The following COX15 variants were observed in gnomAD, a reference collection of about 807,000 sequenced individuals.
The protein encoded by COX15 is cytochrome c oxidase assembly factor COX15, also known as heme A synthase COX15.
In COX15, 51 loss-of-function variants were observed where a neutral mutation model predicts 51.9. The ratio of observed to expected loss-of-function variants is 0.98; its 90% CI spans 0.78 to 1.24. The LOEUF is 1.24. COX15 is among the 50% of genes most tolerant of loss of function. The probability of loss-of-function intolerance (pLI) is 0.00; values close to 1 mark genes in which losing one functional copy is unlikely to be tolerated. For missense variants in COX15, 420 were observed against 501.1 expected, an observed-to-expected ratio of 0.84 and a Z score of 1.55; for synonymous variants, 188 against 190.5, an observed-to-expected ratio of 0.99 and a Z score of 0.11.
At position 99,721,055 on chromosome 10, in the gene COX15, T is replaced by G; in HGVS notation, c.764A>C (p.His255Pro). 1.2e-6 allele frequency: 2 copies of G among 1,613,248 alleles called. No homozygotes were observed. The highest frequency in any genetic ancestry group is 2.2e-5 in the East Asian group (1 of 44,872). Residue 255 changes from histidine to proline, a missense_variant, in exon 6 of 9, where the codon CAC becomes CCC. Physicochemically the swap from His to Pro is moderately conservative, Grantham distance 77. Coordinates refer to ENST00000016171, the MANE Select transcript of COX15 (RefSeq NM_078470.6). ...AAATCGTCTCAACTGTAGGAGTTGG[T>G]GGGTTTCAGGCAACTAAATATGAAA... ...LLPPHKLPET[H>P]QLLQLRRFAH... is the part of the protein sequence containing the mutation.
rs1454560727 is a variant in COX15, at chr10:99,727,073, T to C, written c.477A>G (p.Val159=). 1 of 1,614,162 alleles carries C rather than the reference T, an allele frequency of 6.2e-7. No homozygotes were observed. The highest frequency in any genetic ancestry group is 2.2e-5 in the East Asian group (1 of 44,878). The change falls in exon 4 of 9, where the codon GTA becomes GTG. Residue 159 remains valine (V), a synonymous_variant. Coordinates refer to ENST00000016171, the MANE Select transcript of COX15 (RefSeq NM_078470.6). ...EYSHRMWGRL[V]GLVYILPAAY... is the part of the protein sequence containing the mutation. ...CAGCAGGCAGGATGTACACAAGGCC[T>C]ACAAGGCGACCCCACATTCGGTGTG...
the COX15 span, chr10:99,704,403 T>C: frequency 2.5e-6 from 4 of 1,585,736 alleles, no homozygotes; most frequent in Non-Finnish European, 3.5e-6. Flanking sequence ...ATGTCTCCCT[T>C]TGAAACTTAA....
chr10:99,726,248 T>C (rs986808276), intron 4 of COX15, among the ~76,000 whole-genome samples: 4 of 152,122 alleles, frequency 2.6e-5, no homozygotes, highest in African/African-American at 7.2e-5. Flanking sequence ...CTCTTTCCTA[T>C]AGCAGACAAG....
At chr10:99,719,697 C>G (rs2036698246) in intron 6 of COX15, among the ~76,000 whole-genome samples, 1 of 151,594 alleles carries the variant, frequency 6.6e-6, no homozygotes, top group African/African-American at 2.4e-5. Context: ...CACCATGTTG[C>G]CCAGGCTGGT....
At chr10:99,696,961 ATGAAAGGGCAGGGC>A in the COX15 span, among the ~76,000 whole-genome samples, 1 of 152,306 alleles carries the variant, frequency 6.6e-6, no homozygotes, top group East Asian at 1.9e-4. Flanking sequence ...AGGACCACAG[ATGAAAGGGCAGGGC>A]TGATACTAAG....
At chr10:99,699,000 C>T in the COX15 span, 2 of 736,398 alleles carry the variant, frequency 2.7e-6, no homozygotes, top group Non-Finnish European at 2.2e-6. Flanking sequence ...ACTCATTTTA[C>T]AGATGAGGAA....
intron 1 of COX15, 139 bp downstream of exon 1, chr10:99,731,821 G>T: frequency 9.3e-7 from 1 of 1,072,812 alleles, no homozygotes; most frequent in South Asian, 1.4e-5. Flanking sequence ...TGAACCTAGG[G>T]GCTCTGATCT....
In COX15 at chr10:99,713,778, C is replaced by T. The variant is rs7073616; in HGVS notation, c.*809G>A. ...TGAGGTCAGGAGTTCAAGACCAGCC[C>T]GGCCAATGTGGTGAAACCCCTTCTC... On this transcript the variant is annotated 3_prime_UTR_variant, in exon 9 of 9. Transcript: ENST00000016171. The T allele has an allele frequency of 0.87, 369,042 of 426,528 alleles. 159,928 individuals carry two copies. Among genetic ancestry groups the T allele is most frequent in the Middle Eastern group, 0.9 (1,161 of 1,290 alleles). The allele number at this position is 426,528 out of a possible 1,614,324, so 26.4% of individuals were successfully genotyped here. A position where few individuals can be genotyped will look rare whatever the true frequency, so the allele number is the denominator to read the frequency against.
In COX15 at chr10:99,711,731, A is replaced by G; in HGVS notation, c.*2856T>C. On this transcript the variant is annotated 3_prime_UTR_variant, in exon 9 of 9. Coordinates refer to ENST00000016171, the MANE Select transcript of COX15 (RefSeq NM_078470.6). ...AAGAGAGAAGTTGGGAATCTCTTCT[A>G]GGCAATAGCATAAGCCCAGCCAGGG... The G allele has an allele frequency of 3.0e-6, 3 of 985,462 alleles. No homozygotes were observed. Among genetic ancestry groups the G allele is most frequent in the Non-Finnish European group, 3.6e-6 (3 of 829,942 alleles). The allele number at this position is 985,462 out of a possible 1,614,324, so 61.0% of individuals were successfully genotyped here.
chr10:99,715,767 T>G (rs1250599311), intron 8 of COX15, among the ~76,000 whole-genome samples: 1 of 152,152 alleles, frequency 6.6e-6, no homozygotes, highest in African/African-American at 2.4e-5. Context: ...TATCTTTTTT[T>G]TCACTTTTTT....
intron 6 of COX15, among the ~76,000 whole-genome samples, chr10:99,718,969 C>T (rs1230100374): frequency 6.6e-6 from 1 of 152,186 alleles, no homozygotes; most frequent in Non-Finnish European, 1.5e-5. Flanking sequence ...TTTCTGTCTC[C>T]TGACCCTAAT....
At chr10:99,696,943 C>T in the COX15 span, among the ~76,000 whole-genome samples, 1 of 152,082 alleles carries the variant, frequency 6.6e-6, no homozygotes, top group Non-Finnish European at 1.5e-5. Context: ...AACCCAGTCA[C>T]GGAGAGAAGG....
chr10:99,723,899 T>C, intron 5 of COX15, 57 bp downstream of exon 5: 3 of 1,575,732 alleles, frequency 1.9e-6, no homozygotes, highest in Non-Finnish European at 2.6e-6. Flanking sequence ...TCTAGATATA[T>C]ATCCAAAAGA....
downstream of COX15, among the ~76,000 whole-genome samples, chr10:99,706,451 T>C (rs1230333094): frequency 6.6e-6 from 1 of 151,682 alleles, no homozygotes; most frequent in African/African-American, 2.4e-5. Context: ...TCCTCCCAAC[T>C]CAGACTCCAG....
chr10:99,716,974 T>C (rs1440715098), intron 7 of COX15, among the ~76,000 whole-genome samples: 9 of 152,176 alleles, frequency 5.9e-5, no homozygotes, highest in Admixed American at 5.9e-4. Flanking sequence ...GTCTCCTTCC[T>C]CTTCCACGGT....
rs1173158903 is a variant in COX15, at chr10:99,712,610, A to G, written c.*1977T>C. 1 of 983,696 alleles carries G rather than the reference A, an allele frequency of 1.0e-6. No individual in the cohort carries two copies. Among genetic ancestry groups the G allele is most frequent in the Non-Finnish European group, 1.2e-6 (1 of 828,476 alleles). The allele number at this position is 983,696 out of a possible 1,614,324, so 60.9% of individuals were successfully genotyped here. ...ATATCCAAGGAAAAATAAACTTAAGATAAGCTTATTTTCCTTATTTCAAAA... is the reference window on the plus strand; with the variant it reads ...ATATCCAAGGAAAAATAAACTTAAGGTAAGCTTATTTTCCTTATTTCAAAA... On this transcript the variant is annotated 3_prime_UTR_variant, in exon 9 of 9. Coordinates refer to ENST00000016171, the MANE Select transcript of COX15 (RefSeq NM_078470.6).
downstream of COX15, among the ~76,000 whole-genome samples, chr10:99,708,161 C>A (rs974923532): frequency 6.6e-6 from 1 of 151,924 alleles, no homozygotes; most frequent in Admixed American, 6.6e-5. Flanking sequence ...AGTATCCTGC[C>A]CCACCCCCTC....
rs528013915 is a variant in COX15 at position 99,718,939 on chromosome 10, G to A, written c.833-439C>T. On this transcript the variant is annotated intron_variant, in intron 6 of 8. Transcript: ENST00000016171. ...GATGTCACCTTACCAAAGAGATTTC[G>A]CTTGATGATCCTAGCCCACTTTCTG... Among the ~76,000 whole-genome samples, 13 of 152,210 alleles carry A rather than the reference G, an allele frequency of 8.5e-5. No homozygotes were observed. The South Asian group carries it at 2.1e-3, about 24-fold the overall frequency.
chr10:99,709,459 G>A (rs1175050201), downstream of COX15: 2 of 985,252 alleles, frequency 2.0e-6, no homozygotes, highest in Non-Finnish European at 2.4e-6. Flanking sequence ...GATTTTCCTG[G>A]TGTTACAAAA....
Sources: gnomAD v4.1 joint callset for allele counts (sites outside exome capture counted in the v4.1 genomes callset) on GRCh38, gnomAD v4.1.1 for gene constraint, MANE v1.5 for transcripts, NCBI Gene and HGNC (gene_info 2026-07-23, HGNC 2026-07-21) for gene names.